The following XIRP2 variants were observed in gnomAD, a reference collection of about 807,000 sequenced individuals.
XIRP2 encodes xin actin binding repeat containing 2.
A neutral mutation model predicts 277.0 loss-of-function variants in XIRP2; 236 were observed. The ratio of observed to expected loss-of-function variants is 0.85; its 90% CI spans 0.77 to 0.95. The LOEUF is 0.95. Among genes scored for constraint, XIRP2 ranks in the 40% least tolerant of loss-of-function variants. The pLI, the probability that XIRP2 is intolerant of heterozygous loss-of-function variation, is 0.00. For synonymous variants in XIRP2, 1,490 were observed against 1,416.5 expected (o/e 1.05, Z -1.17); for missense variants, 4,640 against 4,157.5 (o/e 1.12, Z -3.19).
intron 4 of XIRP2, among the ~76,000 whole-genome samples, chr2:167,215,860 C>T (rs1233713719): frequency 6.6e-6 from 1 of 152,202 alleles, no homozygotes; most frequent in Non-Finnish European, 1.5e-5. Flanking sequence ...TACTTCTGCA[C>T]TTCCCGAAGG....
At chr2:166,919,644 T>A (rs1684984283) in intron 2 of XIRP2, among the ~76,000 whole-genome samples, 1 of 152,202 alleles carries the variant, frequency 6.6e-6, no homozygotes, top group Admixed American at 6.5e-5. Context: ...CCATTTTACC[T>A]TTATTTTGAA....
chr2:167,213,420 G>C (rs563961536), intron 4 of XIRP2, among the ~76,000 whole-genome samples: 1 of 152,246 alleles, frequency 6.6e-6, no homozygotes, highest in South Asian at 2.1e-4. Context: ...TTTCTGTTAT[G>C]CCCTATAAAC....
chr2:167,209,012 A>C (rs1693943061), intron 3 of XIRP2, among the ~76,000 whole-genome samples: 1 of 152,148 alleles, frequency 6.6e-6, no homozygotes, highest in African/African-American at 2.4e-5. Context: ...GATTTGTGGG[A>C]ATCTCTTTTT....
chr2:167,218,551 G>A (rs1006001262), intron 5 of XIRP2, among the ~76,000 whole-genome samples: 1 of 152,078 alleles, frequency 6.6e-6, no homozygotes, highest in Non-Finnish European at 1.5e-5. Flanking sequence ...TAATGTTTCA[G>A]ACATAAATGA....
chr2:167,226,051 A>C (rs1014157605), intron 5 of XIRP2, among the ~76,000 whole-genome samples: 2 of 152,180 alleles, frequency 1.3e-5, no homozygotes, highest in African/African-American at 4.8e-5. Context: ...GAAATTATCT[A>C]TTAATGGGAC....
rs530550541 is a variant in XIRP2, at chr2:167,164,207, G to A, written c.562+28145G>A. On this transcript the variant is annotated intron_variant, in intron 3 of 10. Transcript: ENST00000409195. Reference sequence around the variant, plus strand: ...TGTAATCCCGGCACTTTGGGAGGCCGAGGCAGGTGGATCACAAGGTCAGGA... The same window carrying A: ...TGTAATCCCGGCACTTTGGGAGGCCAAGGCAGGTGGATCACAAGGTCAGGA... 2.4e-3 allele frequency among the ~76,000 whole-genome samples: 358 copies of A among 152,108 alleles called. 1 individual carries two copies. The highest frequency in any genetic ancestry group is 4.3e-3 in the Non-Finnish European group (290 of 67,966).
chr2:167,167,050 T>C (rs1358943875), intron 3 of XIRP2, among the ~76,000 whole-genome samples: 1 of 152,224 alleles, frequency 6.6e-6, no homozygotes, highest in Non-Finnish European at 1.5e-5. Context: ...AATATTGTTG[T>C]GTTGAACAAC....
In XIRP2 at chr2:167,245,968, ACATGG is replaced by A; in HGVS notation, c.4578_4582del (p.Trp1527LeufsTer2). On this transcript the variant is annotated frameshift_variant, in exon 9 of 11. Transcript: ENST00000409195. LOFTEE classifies it high-confidence loss of function. ...CCCTCCTTCTGATGTCAAAACAACC[ACATGG>A]CTCTTTGAAACAACACCACTTCATG... 6.2e-7 allele frequency: 1 copy of A among 1,613,630 alleles called. No individual in the cohort carries two copies. Among genetic ancestry groups the A allele is most frequent in the Non-Finnish European group, 8.5e-7 (1 of 1,179,734 alleles).
At chr2:167,068,619 C>CT in intron 2 of XIRP2, among the ~76,000 whole-genome samples, 1 of 143,468 alleles carries the variant, frequency 7.0e-6, no homozygotes, top group Admixed American at 6.7e-5. Context: ...TTTTTTTTTC[C>CT]TTTTTTAAAC....
intron 2 of XIRP2, among the ~76,000 whole-genome samples, chr2:167,076,278 C>A (rs1299551954): frequency 6.6e-6 from 1 of 152,042 alleles, no homozygotes; most frequent in South Asian, 2.1e-4. Flanking sequence ...GGCATCCAGG[C>A]AATTTCTGTC....
intron 2 of XIRP2, among the ~76,000 whole-genome samples, chr2:167,082,466 T>C (rs1689766642): frequency 6.6e-6 from 1 of 151,994 alleles, no homozygotes; most frequent in Non-Finnish European, 1.5e-5. Context: ...TACCCAGTAA[T>C]GGGATGGCTG....
At chr2:166,922,820 C>CTTTTT (rs201750485) in intron 2 of XIRP2, among the ~76,000 whole-genome samples, 3 of 138,380 alleles carry the variant, frequency 2.2e-5, no homozygotes, top group African/African-American at 7.9e-5. Context: ...TCTTTCCTTC[C>CTTTTT]TTTTTTTTTT....
At chr2:166,953,915 A>G (rs927663247) in intron 2 of XIRP2, among the ~76,000 whole-genome samples, 25 of 151,942 alleles carry the variant, frequency 1.6e-4, no homozygotes, top group African/African-American at 5.8e-4. Context: ...CATGATTTTA[A>G]TCATGCTATG....
At chr2:167,255,979 C>T (rs552701101) in intron 10 of XIRP2, among the ~76,000 whole-genome samples, 29 of 151,614 alleles carry the variant, frequency 1.9e-4, no homozygotes, top group African/African-American at 4.1e-4. Context: ...AGCTTGATAA[C>T]GATCTAATTT....
At chr2:166,932,510 C>T (rs1685370436) in intron 2 of XIRP2, among the ~76,000 whole-genome samples, 1 of 152,100 alleles carries the variant, frequency 6.6e-6, no homozygotes, top group African/African-American at 2.4e-5. Context: ...CCATGGCATC[C>T]AGCCCATACG....
chr2:167,175,844 G>A (rs1052388318), intron 3 of XIRP2, among the ~76,000 whole-genome samples: 1 of 149,846 alleles, frequency 6.7e-6, no homozygotes. Context: ...GCCCCAAGAG[G>A]AGGAATCTAG....
chr2:167,239,499 C>T (rs574207619), intron 5 of XIRP2, among the ~76,000 whole-genome samples: 1 of 152,300 alleles, frequency 6.6e-6, no homozygotes, highest in South Asian at 2.1e-4. Context: ...GTGAGAAGTT[C>T]TCAGTCTGAT....
chr2:166,890,157 GC>G (rs1399514479), intron 1 of XIRP2, among the ~76,000 whole-genome samples: 2 of 151,710 alleles, frequency 1.3e-5, no homozygotes, highest in East Asian at 3.9e-4. Context: ...CACCATGCTG[GC>G]TATTTTTTTG....
intron 2 of XIRP2, among the ~76,000 whole-genome samples, chr2:167,060,328 C>G (rs750530934): frequency 5.9e-5 from 9 of 152,056 alleles, no homozygotes; most frequent in Non-Finnish European, 1.3e-4. Flanking sequence ...TCTATTACCC[C>G]CTTCTTAGGA....
Sources: allele counts gnomAD v4.1 joint callset (sites outside exome capture counted in the v4.1 genomes callset), GRCh38; gene constraint gnomAD v4.1.1; transcripts MANE v1.5; gene names NCBI Gene and HGNC (gene_info 2026-07-23, HGNC 2026-07-21).